YBX3: variants seen among roughly 807,000 people sequenced by gnomAD.
YBX3 encodes the protein Y-box binding protein 3.
A neutral mutation model predicts 42.4 loss-of-function variants in YBX3; 29 were observed. That is an observed-to-expected ratio of 0.68 (90% confidence interval 0.51 to 0.93). The LOEUF (loss-of-function observed/expected upper bound fraction) is 0.93, where lower values mean the gene tolerates loss of function less well. YBX3 is among the 40% of genes least tolerant of loss of function. YBX3 has a pLI of 0.00. For missense variants in YBX3, 517 were observed against 527.5 expected, an observed-to-expected ratio of 0.98 and a Z score of 0.19; for synonymous variants, 195 against 189.8, an observed-to-expected ratio of 1.03 and a Z score of -0.22.
intron 5 of YBX3, chr12:10,711,257 G>A (rs1285918583): frequency 6.6e-6 from 1 of 152,076 alleles, no homozygotes; most frequent in Non-Finnish European, 1.5e-5. Context: ...AAGGGGATAT[G>A]CAAATGTCTT....
intron 2 of YBX3, among the ~76,000 whole-genome samples, chr12:10,718,687 A>T (rs577107403): frequency 6.6e-6 from 1 of 152,178 alleles, no homozygotes; most frequent in African/African-American, 2.4e-5. Context: ...TCTACATAGG[A>T]CTGGACCAGA....
intron 5 of YBX3, chr12:10,710,501 C>A: frequency 8.4e-7 from 1 of 1,186,524 alleles, no homozygotes; most frequent in Non-Finnish European, 1.1e-6. Context: ...CAGGGAAAAG[C>A]CAAAAAAGAA....
rs1466950551 is a variant in YBX3 at position 10,722,890 on chromosome 12, G to A, written c.222C>T (p.Ala74=). Residue 74 remains alanine, a synonymous_variant, in exon 1 of 10, where the codon GCC becomes GCT. Coordinates refer to ENST00000228251, the MANE Select transcript of YBX3 (RefSeq NM_003651.5). ...ATGTAAAASL[A]TAAGSEDAEK... is the part of the protein sequence containing the mutation. ...CCGCGTCTTCGCTGCCGGCGGCGGT[G>A]GCTAAAGAGGCGGCGGCCGCGGTGC... 1.0e-5 allele frequency: 15 copies of A among 1,469,392 alleles called. No homozygotes were observed. The highest frequency in any genetic ancestry group is 1.0e-4 in the African/African-American group (7 of 68,838). The allele number at this position is 1,469,392 out of a possible 1,614,324, so 91.0% of individuals were successfully genotyped here.
At chr12:10,703,225 C>T (rs533014268) in intron 7 of YBX3, 1 of 152,400 alleles carries the variant, frequency 6.6e-6, no homozygotes, top group African/African-American at 2.4e-5. Flanking sequence ...TTTTATCCTT[C>T]AATAAAGCCA....
chr12:10,706,702 C>T (rs1189918687), intron 6 of YBX3, among the ~76,000 whole-genome samples: 4 of 152,094 alleles, frequency 2.6e-5, no homozygotes, highest in African/African-American at 7.2e-5. Flanking sequence ...CCTGCCCCTA[C>T]GGCTTTAAAC....
At chr12:10,703,611 T>A (rs1242991307) in intron 7 of YBX3, 9 of 432,018 alleles carry the variant, frequency 2.1e-5, no homozygotes, top group Non-Finnish European at 3.7e-5. Context: ...AGAACATACA[T>A]CTAATGAACT....
In YBX3 at chr12:10,702,057, C is replaced by T. The variant is rs540060087; in HGVS notation, c.956G>A (p.Gly319Asp). 1 of 1,614,162 alleles carries T rather than the reference C, an allele frequency of 6.2e-7. No homozygotes were observed. Among genetic ancestry groups the T allele is most frequent in the African/African-American group, 1.3e-5 (1 of 75,038 alleles). ...EDKENQQATS[G>D]PNQPSVRRGY... is the part of the protein sequence containing the mutation. ...ACGGCGAACAGACGGCTGGTTTGGACCACTGGTGGCTTGCTGATTTTCTTT... is the reference window on the plus strand; with the variant it reads ...ACGGCGAACAGACGGCTGGTTTGGATCACTGGTGGCTTGCTGATTTTCTTT... Residue 319 changes from glycine (G) to aspartate (D), a missense_variant, in exon 8 of 10, where the codon GGT becomes GAT. Physicochemically the swap from Gly to Asp is moderately conservative, Grantham distance 94 (BLOSUM62 -1). Around this residue, in one of 3 missense-constraint regions of YBX3, gnomAD observed 420 missense variants for 408.5 expected, o/e 1.03. Transcript: ENST00000228251.
Position 10,699,461 on chromosome 12 carries a change from GGTTCTCAGCT to G in YBX3, c.*218_*227del, listed in dbSNP as rs1948055740. On this transcript the variant is annotated 3_prime_UTR_variant, in exon 10 of 10. Transcript: ENST00000228251. ...CTTGTCTTCCGTGCAGGAATTCCCA[GGTTCTCAGCT>G]TGCTGGAAAAATTTGTTGACATTTT... is the stretch of plus-strand genomic sequence containing the variant. 2 of 152,590 alleles carry G rather than the reference GGTTCTCAGCT, an allele frequency of 1.3e-5. No individual in the cohort carries two copies. The highest frequency in any genetic ancestry group is 4.8e-5 in the African/African-American group (2 of 41,442). 9.5% of individuals were successfully genotyped at this position (152,590 alleles called of 1,614,324 possible).
intron 7 of YBX3, chr12:10,703,565 G>C (rs1271839248): frequency 2.3e-6 from 1 of 438,902 alleles, no homozygotes; most frequent in South Asian, 1.6e-5. Flanking sequence ...TTTCAGACAG[G>C]GTCTCACTCT....
At chr12:10,708,963 G>T (rs775132166) in intron 6 of YBX3, among the ~76,000 whole-genome samples, 9 of 152,158 alleles carry the variant, frequency 5.9e-5, no homozygotes, top group Non-Finnish European at 1.0e-4. Context: ...AGCCCAGAGT[G>T]CTGCCCTAAA....
intron 1 of YBX3, among the ~76,000 whole-genome samples, chr12:10,721,586 A>G (rs1948325396): frequency 6.6e-6 from 1 of 152,124 alleles, no homozygotes; most frequent in Non-Finnish European, 1.5e-5. Context: ...CTTAACCTAC[A>G]CAGGTTACAA....
intron 6 of YBX3, 26 bp downstream of exon 6, chr12:10,709,882 A>C: frequency 6.2e-7 from 1 of 1,612,764 alleles, no homozygotes; most frequent in Non-Finnish European, 8.5e-7. Flanking sequence ...AGGATTGCTG[A>C]AGAGAAGTCT....
intron 7 of YBX3, chr12:10,703,074 T>C (rs1039894856): frequency 6.6e-6 from 1 of 152,174 alleles, no homozygotes; most frequent in Non-Finnish European, 1.5e-5. Context: ...AAGACATTTC[T>C]ATGCCGTCTC....
At chr12:10,713,434 T>A in intron 4 of YBX3, 101 bp from the exon 5 acceptor site, 2 of 1,355,810 alleles carry the variant, frequency 1.5e-6, no homozygotes, top group African/African-American at 1.5e-5. Flanking sequence ...CAGAACATAC[T>A]AAGAATTCCC....
At chr12:10,722,765 T>A in intron 1 of YBX3, 85 bp downstream of exon 1, 2 of 1,190,444 alleles carry the variant, frequency 1.7e-6, no homozygotes, top group African/African-American at 1.6e-5. Context: ...GGGTGGGAGA[T>A]GTAGCGCGAG....
chr12:10,723,291 C>T lies in YBX3; in HGVS notation c.-180G>A, dbSNP rs1013850555. ...GAGGCGGCTCGAGCTTCGTGCTGCG[C>T]GCTCTCTCTTGGGCTCCTCGCTCGA... On this transcript the variant is annotated 5_prime_UTR_variant, in exon 1 of 10. Transcript: ENST00000228251. 6.8e-6 allele frequency: 7 copies of T among 1,033,536 alleles called. No homozygotes were observed. In the East Asian group the frequency reaches 2.1e-4, roughly 31 times the overall value. 64.0% of individuals were successfully genotyped at this position (1,033,536 alleles called of 1,614,324 possible).
At chr12:10,721,944 A>AT (rs1948331205) in intron 1 of YBX3, 1 of 152,254 alleles carries the variant, frequency 6.6e-6, no homozygotes, top group Non-Finnish European at 1.5e-5. Flanking sequence ...ATGTGACTAA[A>AT]CCAACAACCA....
chr12:10,720,733 T>C (rs576627756), intron 1 of YBX3: 1 of 152,284 alleles, frequency 6.6e-6, no homozygotes, highest in East Asian at 1.9e-4. Context: ...ATAATCTTGA[T>C]TAAAATGACA....
At chr12:10,712,685 A>G (rs921612295) in intron 5 of YBX3, 1 of 152,268 alleles carries the variant, frequency 6.6e-6, no homozygotes, top group Non-Finnish European at 1.5e-5. Context: ...ATGGAAATCC[A>G]TTCCCCTTTG....
Sources: gnomAD v4.1 joint callset for allele counts (sites outside exome capture counted in the v4.1 genomes callset) on GRCh38, gnomAD v4.1.1 for gene constraint, gnomAD v4.1.1 regional missense constraint, MANE v1.5 for transcripts, NCBI Gene and HGNC (gene_info 2026-07-23, HGNC 2026-07-21) for gene names.